Variants in DPP6 observed in about 807,000 individuals in gnomAD.
DPP6 encodes the protein A-type potassium channel modulatory protein DPP6.
A neutral mutation model predicts 122.6 loss-of-function variants in DPP6; 69 were observed. The observed-to-expected ratio is 0.56, with a 90% CI of 0.46 to 0.69. The LOEUF is 0.69. Ranked by LOEUF, DPP6 falls within the 30% of genes least tolerant of loss-of-function variation. The pLI is 0.00. For synonymous variants in DPP6, 418 were observed against 433.1 expected (o/e 0.97, Z 0.43); for missense variants, 928 against 1,116.9 (o/e 0.83, Z 2.41).
At chr7:154,513,971 A>G (rs1826287214) in intron 3 of DPP6, among the ~76,000 whole-genome samples, 1 of 152,148 alleles carries the variant, frequency 6.6e-6, no homozygotes, top group Non-Finnish European at 1.5e-5. Context: ...TTGGGTCTGA[A>G]TGAAATTAAG....
At chr7:154,090,214 C>T (rs1316426516) in intron 1 of DPP6, among the ~76,000 whole-genome samples, 1 of 152,032 alleles carries the variant, frequency 6.6e-6, no homozygotes, top group Non-Finnish European at 1.5e-5. Context: ...CCAGTCTTCA[C>T]ACTTCGAGGA....
intron 1 of DPP6, among the ~76,000 whole-genome samples, chr7:153,921,104 C>T (rs201480409): frequency 1.3e-5 from 2 of 152,226 alleles, no homozygotes; most frequent in African/African-American, 4.8e-5. Flanking sequence ...TAGGAGAAAG[C>T]GAGTGTTAGG....
chr7:153,825,037 A>T, the DPP6 span, among the ~76,000 whole-genome samples: 1 of 152,136 alleles, frequency 6.6e-6, no homozygotes, highest in African/African-American at 2.4e-5. Context: ...CAGTCACGCT[A>T]CTCAGCTGAG....
chr7:153,878,063 A>G, the DPP6 span, among the ~76,000 whole-genome samples: 1 of 152,210 alleles, frequency 6.6e-6, no homozygotes, highest in African/African-American at 2.4e-5. Context: ...ATACCCGTAT[A>G]CCGTCATCAG....
intron 1 of DPP6, among the ~76,000 whole-genome samples, chr7:153,996,395 C>G (rs1357504148): frequency 6.6e-6 from 1 of 152,018 alleles, no homozygotes; most frequent in Non-Finnish European, 1.5e-5. Flanking sequence ...TCTAAAAATT[C>G]TGGGCCTATC....
intron 1 of DPP6, among the ~76,000 whole-genome samples, chr7:154,367,503 TCTC>T (rs1292750007): frequency 2.0e-5 from 3 of 152,196 alleles, no homozygotes; most frequent in Non-Finnish European, 4.4e-5. Flanking sequence ...TATAAGAAAA[TCTC>T]CACCAACACC....
rs1463621902 is a variant in DPP6, at chr7:154,355,650, C to CA, written c.244-90563dup. Among the ~76,000 whole-genome samples, 8 of 152,272 alleles carry CA rather than the reference C, an allele frequency of 5.3e-5. No individual in the cohort carries two copies. The East Asian group carries it at 1.5e-3, about 29-fold the overall frequency. Reference sequence around the variant, plus strand: ...TTTCCCCCACATTACTGCTGTGAAACATTTGTGAGAAATCAGGTGACAGGT... The same window carrying CA: ...TTTCCCCCACATTACTGCTGTGAAACAATTTGTGAGAAATCAGGTGACAGGT... On this transcript the variant is annotated intron_variant, in intron 1 of 25. Coordinates refer to ENST00000377770, the MANE Select transcript of DPP6 (RefSeq NM_130797.4).
At chr7:154,783,333 C>T (rs756120268) in intron 10 of DPP6, among the ~76,000 whole-genome samples, 1 of 152,160 alleles carries the variant, frequency 6.6e-6, no homozygotes, top group East Asian at 1.9e-4. Context: ...GGTCTTCTCT[C>T]GTCTCTGCCC....
chr7:154,087,686 C>T (rs1362155792), intron 1 of DPP6, among the ~76,000 whole-genome samples: 2 of 152,150 alleles, frequency 1.3e-5, no homozygotes, highest in Non-Finnish European at 2.9e-5. Context: ...TTTGCTGCCC[C>T]GTTCTTGCTT....
intron 1 of DPP6, among the ~76,000 whole-genome samples, chr7:154,122,351 C>G (rs1454410324): frequency 2.0e-5 from 3 of 152,156 alleles, no homozygotes; most frequent in Non-Finnish European, 4.4e-5. Context: ...TTAAAAATCA[C>G]ACTGGAAAGA....
rs1823543284 is a variant in DPP6 at position 154,483,785 on chromosome 7, C to T, written c.457+8748C>T. Among the ~76,000 whole-genome samples, 1 of 152,230 alleles carries T rather than the reference C, an allele frequency of 6.6e-6. No homozygotes were observed. The highest frequency in any genetic ancestry group is 2.4e-5 in the African/African-American group (1 of 41,458). ...TCTTGGCTCACTGCAACCTCCACCT[C>T]CCGGGTTCAAGCGATTCTCCTGCCT... is the stretch of plus-strand genomic sequence containing the variant. On this transcript the variant is annotated intron_variant, in intron 3 of 25. Coordinates refer to ENST00000377770, the MANE Select transcript of DPP6 (RefSeq NM_130797.4). This position sits in a 1 kb window ranked among gnomAD's most constrained non-coding sequence, Gnocchi z 8.1.
chr7:154,557,209 G>A (rs936647710), intron 4 of DPP6, among the ~76,000 whole-genome samples: 2 of 152,146 alleles, frequency 1.3e-5, no homozygotes, highest in Admixed American at 6.5e-5. Flanking sequence ...GTCACAAGCA[G>A]CCAAGTCCAA....
At chr7:154,862,372 A>C (rs1201615209) in intron 17 of DPP6, among the ~76,000 whole-genome samples, 1 of 152,168 alleles carries the variant, frequency 6.6e-6, no homozygotes, top group Non-Finnish European at 1.5e-5. Context: ...CTGCACTCGA[A>C]ATCTTCTGGA....
In DPP6 at chr7:154,741,087, G is replaced by A. The variant is rs996039124; in HGVS notation, c.883+13200G>A. On this transcript the variant is annotated intron_variant, in intron 8 of 25. Coordinates refer to ENST00000377770, the MANE Select transcript of DPP6 (RefSeq NM_130797.4). Reference sequence around the variant, plus strand: ...ATACCCTTCGTCACTCGTTCTGTGCGTTAGGACCAGAGTGGAAGAGGATGC... The same window carrying A: ...ATACCCTTCGTCACTCGTTCTGTGCATTAGGACCAGAGTGGAAGAGGATGC... 9.9e-5 allele frequency among the ~76,000 whole-genome samples: 15 copies of A among 152,190 alleles called. No homozygotes were observed. The East Asian group carries it at 1.2e-3, about 12-fold the overall frequency.
intron 1 of DPP6, among the ~76,000 whole-genome samples, chr7:154,176,032 G>A (rs902746227): frequency 2.6e-5 from 4 of 152,154 alleles, no homozygotes; most frequent in African/African-American, 9.7e-5. Context: ...GACCAAAACT[G>A]TCTATGTGCA....
chr7:154,104,589 T>C (rs188497883), intron 1 of DPP6, among the ~76,000 whole-genome samples: 6 of 152,388 alleles, frequency 3.9e-5, no homozygotes, highest in Admixed American at 1.3e-4. Flanking sequence ...GGACATGTGG[T>C]ATTTTCTCAG....
At chr7:154,574,313 T>A (rs1182516826) in intron 5 of DPP6, among the ~76,000 whole-genome samples, 1 of 101,690 alleles carries the variant, frequency 9.8e-6, no homozygotes, top group Admixed American at 1.1e-4. Context: ...GTGTGTGGTG[T>A]GCTGTGTATG....
At chr7:154,537,768 GGGAGA>G (rs139040024) in intron 3 of DPP6, among the ~76,000 whole-genome samples, 8,269 of 151,372 alleles carry the variant, frequency 0.055, 283 homozygotes, top group Non-Finnish European at 0.076. Flanking sequence ...AGGAGGGGAG[GGGAGA>G]GGAGAGGAGA....
chr7:154,081,971 A>G (rs1023856193), intron 1 of DPP6, among the ~76,000 whole-genome samples: 1 of 152,198 alleles, frequency 6.6e-6, no homozygotes, highest in Non-Finnish European at 1.5e-5. Context: ...CTACTGATTC[A>G]TATTAGAAAT....
Sources: gnomAD v4.1 joint callset for allele counts (sites outside exome capture counted in the v4.1 genomes callset) on GRCh38, gnomAD v4.1.1 for gene constraint, Gnocchi (gnomAD v3.1) non-coding constraint, MANE v1.5 for transcripts, NCBI Gene and HGNC (gene_info 2026-07-23, HGNC 2026-07-21) for gene names.